Variants in ATXN7L1 observed in about 807,000 individuals in gnomAD.
The protein encoded by ATXN7L1 is ataxin 7 like 1.
ATXN7L1 carries 15 observed loss-of-function variants against 70.8 expected under a neutral mutation model. That is an observed-to-expected ratio of 0.21 (90% CI 0.14 to 0.33). The LOEUF (loss-of-function observed/expected upper bound fraction) is 0.33. Among genes scored for constraint, ATXN7L1 ranks in the 10% least tolerant of loss-of-function variants. ATXN7L1 has a pLI of 1.00. For synonymous variants in ATXN7L1, 440 were observed against 445.1 expected (o/e 0.99, Z 0.14); for missense variants, 975 against 1,097.1 (o/e 0.89, Z 1.57).
At chr7:105,696,782 C>T (rs528028387) in intron 3 of ATXN7L1, among the ~76,000 whole-genome samples, 13 of 152,304 alleles carry the variant, frequency 8.5e-5, no homozygotes, top group African/African-American at 2.6e-4. Context: ...ATCCACCCCA[C>T]GGAGGATGAA....
intron 3 of ATXN7L1, among the ~76,000 whole-genome samples, chr7:105,716,730 A>T (rs1471635518): frequency 6.9e-6 from 1 of 145,020 alleles, no homozygotes; most frequent in East Asian, 2.1e-4. Context: ...CAGTACAAAA[A>T]TTAGCCAGGT....
At chr7:105,768,952 T>TA (rs1008958319) in intron 3 of ATXN7L1, among the ~76,000 whole-genome samples, 3 of 152,226 alleles carry the variant, frequency 2.0e-5, no homozygotes, top group Non-Finnish European at 2.9e-5. Context: ...TGCTGCTCTG[T>TA]AAGCCTTTTC....
chr7:105,680,405 C>T (rs1805378693), intron 3 of ATXN7L1, among the ~76,000 whole-genome samples: 1 of 152,220 alleles, frequency 6.6e-6, no homozygotes, highest in South Asian at 2.1e-4. Context: ...TTCTTGGCTT[C>T]CTTTTCCCCT....
chr7:105,629,684 T>C (rs1691377211), intron 7 of ATXN7L1, among the ~76,000 whole-genome samples: 1 of 150,680 alleles, frequency 6.6e-6, no homozygotes, highest in Admixed American at 6.6e-5. Flanking sequence ...CCCGGCTAAT[T>C]TTTTTGTATT....
intron 2 of ATXN7L1, among the ~76,000 whole-genome samples, chr7:105,822,822 A>G (rs867290596): frequency 6.6e-6 from 1 of 152,226 alleles, no homozygotes; most frequent in African/African-American, 2.4e-5. Context: ...TATGCCCAAG[A>G]TGATCTATTA....
At chr7:105,696,957 A>T (rs1034020010) in intron 3 of ATXN7L1, among the ~76,000 whole-genome samples, 8 of 152,214 alleles carry the variant, frequency 5.3e-5, no homozygotes, top group African/African-American at 1.4e-4. Context: ...GATGCCCCAC[A>T]CGCCACAAAA....
intron 2 of ATXN7L1, among the ~76,000 whole-genome samples, chr7:105,849,492 A>C (rs1203905756): frequency 6.6e-6 from 1 of 152,278 alleles, no homozygotes; most frequent in East Asian, 1.9e-4. Context: ...CTCATGGGTC[A>C]TGCAGGCTGT....
intron 11 of ATXN7L1, 27 bp downstream of exon 11, chr7:105,610,502 G>GGGCGGC: frequency 6.6e-7 from 1 of 1,525,646 alleles, no homozygotes; most frequent in Non-Finnish European, 8.9e-7. Flanking sequence ...ATGAATTTTT[G>GGGCGGC]CCCCACCCCC....
At position 105,662,047 on chromosome 7, in the gene ATXN7L1, C is replaced by G. The variant is rs952716779; in HGVS notation, c.578+3019G>C. Among the ~76,000 whole-genome samples, 420 of 94,668 alleles carry G rather than the reference C, an allele frequency of 4.4e-3. 6 individuals carry two copies. The highest frequency in any genetic ancestry group is 0.02 in the South Asian group (41 of 2,020). 62.1% of individuals were successfully genotyped at this position (94,668 alleles called of 152,430 possible). ...CTTTCTTTCCTTCCTTCCTTCCTTC[C>G]TTCCTTCCTTCCTTCCTTCCTTCCT... On this transcript the variant is annotated intron_variant, in intron 4 of 11. Transcript: ENST00000419735.
At position 105,876,403 on chromosome 7, in the gene ATXN7L1, G is replaced by A. The variant is rs769540477; in HGVS notation, c.156C>T (p.Asp52=). The change falls in exon 1 of 12, where the codon GAC becomes GAT. Residue 52 remains aspartate (D), a synonymous_variant. Coordinates refer to ENST00000419735, the MANE Select transcript of ATXN7L1 (RefSeq NM_020725.2). ...FLGKPWSSWI[D]AAKLHCSDNV... Reference sequence around the variant, plus strand: ...TGTCGGAGCAGTGTAATTTGGCGGCGTCGATCCAGGAGGACCAGGGTTTGC... The same window carrying A: ...TGTCGGAGCAGTGTAATTTGGCGGCATCGATCCAGGAGGACCAGGGTTTGC... 3 of 1,610,518 alleles carry A rather than the reference G, an allele frequency of 1.9e-6. No homozygotes were observed. In the East Asian group the frequency reaches 6.7e-5, roughly 36 times the overall value.
intron 4 of ATXN7L1, among the ~76,000 whole-genome samples, chr7:105,658,041 T>C (rs1800957754): frequency 6.6e-6 from 1 of 152,162 alleles, no homozygotes; most frequent in African/African-American, 2.4e-5. Context: ...TGGTTATATG[T>C]TGAAATGATA....
intron 3 of ATXN7L1, among the ~76,000 whole-genome samples, chr7:105,689,440 T>G (rs1272059437): frequency 1.3e-5 from 2 of 152,124 alleles, no homozygotes; most frequent in Non-Finnish European, 1.5e-5. Flanking sequence ...AGCCTTTCAG[T>G]ATTTACTGCC....
intron 2 of ATXN7L1, among the ~76,000 whole-genome samples, chr7:105,796,530 A>G (rs1302319738): frequency 6.6e-6 from 1 of 152,154 alleles, no homozygotes; most frequent in Non-Finnish European, 1.5e-5. Flanking sequence ...GGTGGCTGAC[A>G]GTGGTTTTGA....
At chr7:105,838,893 G>A (rs556693556) in intron 2 of ATXN7L1, among the ~76,000 whole-genome samples, 1 of 152,112 alleles carries the variant, frequency 6.6e-6, no homozygotes, top group East Asian at 1.9e-4. Flanking sequence ...TTTCACTCAC[G>A]AGAAAGACTC....
At chr7:105,869,027 T>G (rs1817873948) in intron 2 of ATXN7L1, among the ~76,000 whole-genome samples, 1 of 152,212 alleles carries the variant, frequency 6.6e-6, no homozygotes, top group Non-Finnish European at 1.5e-5. Flanking sequence ...CCAAACTAGA[T>G]GATCAGGATG....
At chr7:105,644,517 A>G (rs1798708868) in intron 4 of ATXN7L1, among the ~76,000 whole-genome samples, 1 of 152,184 alleles carries the variant, frequency 6.6e-6, no homozygotes, top group South Asian at 2.1e-4. Flanking sequence ...GCCACTGCCA[A>G]TTCCGTCCCT....
intron 3 of ATXN7L1, among the ~76,000 whole-genome samples, chr7:105,709,663 C>G (rs1282008039): frequency 6.6e-6 from 1 of 152,114 alleles, no homozygotes; most frequent in Non-Finnish European, 1.5e-5. Flanking sequence ...TCTGCCTAGC[C>G]AATTCTTTCT....
chr7:105,792,502 C>T (rs975375953), intron 2 of ATXN7L1, among the ~76,000 whole-genome samples: 2 of 152,064 alleles, frequency 1.3e-5, no homozygotes, highest in African/African-American at 2.4e-5. Context: ...GGAGGGAGGG[C>T]AGGGAGAGAG....
intron 3 of ATXN7L1, among the ~76,000 whole-genome samples, chr7:105,734,680 T>C (rs1391283666): frequency 6.6e-6 from 1 of 151,570 alleles, no homozygotes; most frequent in Non-Finnish European, 1.5e-5. Context: ...GTTTCTTACG[T>C]GATGGAGCTT....
Sources: allele counts gnomAD v4.1 joint callset (sites outside exome capture counted in the v4.1 genomes callset), GRCh38; gene constraint gnomAD v4.1.1; transcripts MANE v1.5; gene names NCBI Gene and HGNC (gene_info 2026-07-23, HGNC 2026-07-21).